PDZRN4: variants seen among roughly 807,000 people sequenced by gnomAD.
PDZRN4 encodes PDZ domain-containing RING finger protein 4.
In PDZRN4, 70 loss-of-function variants were observed where a neutral mutation model predicts 99.0. That is an observed-to-expected ratio of 0.71 (90% CI 0.58 to 0.86). The LOEUF is 0.86. Ranked by LOEUF, PDZRN4 falls within the 40% of genes least tolerant of loss-of-function variation. The pLI is 0.00. For missense variants in PDZRN4, 1,474 were observed against 1,331.2 expected, an observed-to-expected ratio of 1.11 and a Z score of -1.67; for synonymous variants, 551 against 501.6, an observed-to-expected ratio of 1.10 and a Z score of -1.32.
At chr12:41,508,979 C>T (rs574942904) in intron 4 of PDZRN4, among the ~76,000 whole-genome samples, 161 of 152,208 alleles carry the variant, frequency 1.1e-3, no homozygotes, top group Non-Finnish European at 1.9e-3. Context: ...GCCTTATGCT[C>T]TTTGCTGTTA....
At chr12:41,308,166 TC>T (rs1951584293) in intron 3 of PDZRN4, among the ~76,000 whole-genome samples, 1 of 152,162 alleles carries the variant, frequency 6.6e-6, no homozygotes, top group Admixed American at 6.5e-5. Flanking sequence ...TTAACATTTT[TC>T]CCTTTACCTT....
chr12:41,409,599 G>C (rs751202916), intron 3 of PDZRN4: 5 of 152,118 alleles, frequency 3.3e-5, no homozygotes, highest in African/African-American at 1.2e-4. Flanking sequence ...ACGTATGAAA[G>C]TCTTCTTTGT....
chr12:41,234,066 G>T (rs951823335), intron 3 of PDZRN4, among the ~76,000 whole-genome samples: 17 of 151,934 alleles, frequency 1.1e-4, no homozygotes, highest in Admixed American at 5.3e-4. Flanking sequence ...TGAATTTATT[G>T]CTCCTTGATT....
At chr12:41,569,173 G>A (rs1429778802) in intron 9 of PDZRN4, among the ~76,000 whole-genome samples, 1 of 151,466 alleles carries the variant, frequency 6.6e-6, no homozygotes, top group Non-Finnish European at 1.5e-5. Context: ...AGGCTGGAGT[G>A]CAGTGACACA....
intron 3 of PDZRN4, among the ~76,000 whole-genome samples, chr12:41,505,781 A>T (rs1374188825): frequency 6.6e-6 from 1 of 150,716 alleles, no homozygotes; most frequent in Non-Finnish European, 1.5e-5. Context: ...ACCCATTCAG[A>T]GGAATTTTAG....
chr12:41,226,083 AT>A (rs111762475), intron 3 of PDZRN4, among the ~76,000 whole-genome samples: 10 of 148,384 alleles, frequency 6.7e-5, no homozygotes, highest in Admixed American at 2.0e-4. Flanking sequence ...ATTTGGTGTC[AT>A]TTTTTTTTTA....
intron 3 of PDZRN4, among the ~76,000 whole-genome samples, chr12:41,289,201 G>A (rs138736263): frequency 3.4e-4 from 51 of 152,182 alleles, no homozygotes; most frequent in Admixed American, 1.1e-3. Flanking sequence ...CATATATTAA[G>A]TTCATGCTCA....
chr12:41,369,546 A>T (rs1458186840), intron 3 of PDZRN4, among the ~76,000 whole-genome samples: 1 of 151,890 alleles, frequency 6.6e-6, no homozygotes, highest in Non-Finnish European at 1.5e-5. Context: ...TTTTCTGTCA[A>T]ACTCCTTATG....
intron 7 of PDZRN4, among the ~76,000 whole-genome samples, chr12:41,562,027 GTCATT>G (rs1939279731): frequency 6.6e-6 from 1 of 152,026 alleles, no homozygotes; most frequent in African/African-American, 2.4e-5. Context: ...ATCCTTCCCG[GTCATT>G]ATTTCCCATT....
At chr12:41,211,906 C>G (rs1950891001) in intron 3 of PDZRN4, among the ~76,000 whole-genome samples, 1 of 151,954 alleles carries the variant, frequency 6.6e-6, no homozygotes, top group Admixed American at 6.6e-5. Context: ...TTATTGGTCC[C>G]TTTATATGAT....
At chr12:41,232,755 T>C (rs1245927900) in intron 3 of PDZRN4, among the ~76,000 whole-genome samples, 1 of 152,160 alleles carries the variant, frequency 6.6e-6, no homozygotes, top group Non-Finnish European at 1.5e-5. Context: ...CATGCCTATG[T>C]CCTGAATGGT....
At chr12:41,513,496 T>C (rs913764581) in intron 5 of PDZRN4, among the ~76,000 whole-genome samples, 1 of 152,060 alleles carries the variant, frequency 6.6e-6, no homozygotes, top group African/African-American at 2.4e-5. Flanking sequence ...AAATGATAAA[T>C]GAGTTTAATT....
intron 1 of PDZRN4, among the ~76,000 whole-genome samples, chr12:41,190,186 C>T (rs1591960808): frequency 6.6e-6 from 1 of 152,190 alleles, no homozygotes; most frequent in East Asian, 1.9e-4. Context: ...CTGCCTCTAA[C>T]TCAGGCACTG....
chr12:41,432,640 T>C (rs1200513293), intron 3 of PDZRN4, among the ~76,000 whole-genome samples: 1 of 152,180 alleles, frequency 6.6e-6, no homozygotes, highest in Non-Finnish European at 1.5e-5. Context: ...AGGTAAAGCA[T>C]GCATCTAAAA....
At chr12:41,452,461 G>GAAAGAAAC (rs1952783611) in intron 3 of PDZRN4, among the ~76,000 whole-genome samples, 1 of 149,546 alleles carries the variant, frequency 6.7e-6, no homozygotes, top group Non-Finnish European at 1.5e-5. Context: ...AAGAAAGAAA[G>GAAAGAAAC]AAAAATTATA....
intron 1 of PDZRN4, among the ~76,000 whole-genome samples, chr12:41,190,851 GA>G (rs79539420): frequency 6.6e-6 from 1 of 152,030 alleles, no homozygotes; most frequent in African/African-American, 2.4e-5. Flanking sequence ...TGGCCAGCAG[GA>G]AAAAATACAT....
chr12:41,425,412 A>G (rs1952527238), intron 3 of PDZRN4, among the ~76,000 whole-genome samples: 1 of 151,662 alleles, frequency 6.6e-6, no homozygotes, highest in African/African-American at 2.4e-5. Flanking sequence ...ATTCAAATAT[A>G]TTGGCCTAGG....
At chr12:41,486,376 T>C (rs1937773362) in intron 3 of PDZRN4, among the ~76,000 whole-genome samples, 1 of 152,116 alleles carries the variant, frequency 6.6e-6, no homozygotes, top group African/African-American at 2.4e-5. Flanking sequence ...TGCTTTTATA[T>C]AACATAAACC....
intron 3 of PDZRN4, among the ~76,000 whole-genome samples, chr12:41,396,449 G>A (rs1039200352): frequency 5.3e-5 from 8 of 151,962 alleles, no homozygotes; most frequent in African/African-American, 7.3e-5. Flanking sequence ...CACAATTTCC[G>A]GATATCAAAA....
Sources: allele counts gnomAD v4.1 joint callset (sites outside exome capture counted in the v4.1 genomes callset), GRCh38; gene constraint gnomAD v4.1.1; transcripts MANE v1.5; gene names NCBI Gene and HGNC (gene_info 2026-07-23, HGNC 2026-07-21).